The following MYO5A variants were observed in gnomAD, a reference collection of about 807,000 sequenced individuals.
MYO5A encodes the protein unconventional myosin-Va.
In MYO5A, 98 loss-of-function variants were observed where a neutral mutation model predicts 249.7. That is an observed-to-expected ratio of 0.39 (90% CI 0.33 to 0.46). MYO5A has a LOEUF of 0.46. MYO5A is among the 20% of genes least tolerant of loss of function. The pLI is 0.98. For missense variants in MYO5A, 1,696 were observed against 2,308.8 expected (o/e 0.73, Z 5.44); for synonymous variants, 778 against 810.6 (o/e 0.96, Z 0.68).
chr15:52,445,045 A>C (rs2075859929), intron 1 of MYO5A, among the ~76,000 whole-genome samples: 2 of 137,692 alleles, frequency 1.5e-5, no homozygotes, highest in African/African-American at 5.1e-5. Flanking sequence ...TTGGGAATCG[A>C]CACTTCTAGG....
intron 1 of MYO5A, among the ~76,000 whole-genome samples, chr15:52,491,454 T>C (rs530849163): frequency 1.3e-5 from 2 of 152,334 alleles, no homozygotes; most frequent in African/African-American, 4.8e-5. Context: ...ACCTACATCA[T>C]AATATCTAGT....
Position 52,372,199 on chromosome 15 carries a change from T to C in MYO5A, c.2742A>G (p.Ser914=), listed in dbSNP as rs2041160524. The change falls in exon 21 of 42, where the codon TCA becomes TCG. Residue 914 remains serine (S), a synonymous_variant. Coordinates refer to ENST00000399233, the MANE Select transcript of MYO5A (RefSeq NM_001382347.1). ...TGTGCAGCTTCTTATAGCGCTCCAC[T>C]GAGCGAGCCTCGATTTTGAGCTTCT... ...ELKKLKIEAR[S]VERYKKLHIG... is the part of the protein sequence containing the mutation. 12 of 1,613,624 alleles carry C rather than the reference T, an allele frequency of 7.4e-6. No homozygotes were observed. The highest frequency in any genetic ancestry group is 9.3e-6 in the Non-Finnish European group (11 of 1,180,018).
At chr15:52,426,497 C>A (rs1456752540) in intron 3 of MYO5A, among the ~76,000 whole-genome samples, 1 of 152,162 alleles carries the variant, frequency 6.6e-6, no homozygotes, top group East Asian at 1.9e-4. Context: ...GGGTCTCACC[C>A]TGTCACCCAA....
intron 21 of MYO5A, among the ~76,000 whole-genome samples, chr15:52,370,970 A>G (rs1260288071): frequency 6.6e-6 from 1 of 152,004 alleles, no homozygotes; most frequent in Non-Finnish European, 1.5e-5. Flanking sequence ...AAAATTAGCT[A>G]GACATGGTGG....
intron 40 of MYO5A, 76 bp from the exon 41 acceptor site, chr15:52,314,279 A>G: frequency 9.1e-7 from 1 of 1,103,158 alleles, no homozygotes; most frequent in Non-Finnish European, 1.4e-6. Flanking sequence ...TGGAAAATTA[A>G]AAGGATCTGT....
intron 23 of MYO5A, among the ~76,000 whole-genome samples, chr15:52,365,096 A>G (rs1159025270): frequency 6.6e-6 from 1 of 152,192 alleles, no homozygotes; most frequent in Non-Finnish European, 1.5e-5. Flanking sequence ...CTCCTCACAG[A>G]TATTTCTCAA....
At chr15:52,418,977 T>C (rs918539010) in intron 4 of MYO5A, among the ~76,000 whole-genome samples, 1 of 152,216 alleles carries the variant, frequency 6.6e-6, no homozygotes, top group African/African-American at 2.4e-5. Context: ...ATTCATATCT[T>C]CCAAGATCAT....
At chr15:52,508,123 C>T (rs1422676459) in intron 1 of MYO5A, among the ~76,000 whole-genome samples, 2 of 152,106 alleles carry the variant, frequency 1.3e-5, no homozygotes, top group Non-Finnish European at 2.9e-5. Flanking sequence ...TATTTGTTCT[C>T]CTTGGTGTTT....
chr15:52,491,584 C>A (rs1465881206), intron 1 of MYO5A, among the ~76,000 whole-genome samples: 2 of 152,166 alleles, frequency 1.3e-5, no homozygotes, highest in Admixed American at 1.3e-4. Flanking sequence ...TTATTGGATT[C>A]TCTAAAGTAA....
At chr15:52,501,022 T>G (rs1595801305) in intron 1 of MYO5A, among the ~76,000 whole-genome samples, 1 of 151,772 alleles carries the variant, frequency 6.6e-6, no homozygotes, top group Non-Finnish European at 1.5e-5. Context: ...CAGGCTGGAG[T>G]GCAGTGGCAA....
rs117728736 is a variant in MYO5A, at chr15:52,369,189, C to T, written c.3066+980G>A. Among the ~76,000 whole-genome samples the T allele has an allele frequency of 1.5e-3, 227 of 152,272 alleles. 3 individuals are homozygous for T. The East Asian group carries it at 0.031, about 21-fold the overall frequency. On this transcript the variant is annotated intron_variant, in intron 22 of 41. Transcript: ENST00000399233. ...CTGCAATTTTACCAGCCACCCTATC[C>T]TAACCGACCTGCATCTAAGTTCCTG...
At chr15:52,439,197 T>C (rs949141990) in intron 1 of MYO5A, among the ~76,000 whole-genome samples, 3 of 152,286 alleles carry the variant, frequency 2.0e-5, no homozygotes, top group Non-Finnish European at 4.4e-5. Flanking sequence ...ATCTTGGAAG[T>C]GGCCCGCCGC....
intron 1 of MYO5A, among the ~76,000 whole-genome samples, chr15:52,437,503 G>A (rs575873383): frequency 1.1e-3 from 173 of 151,408 alleles, no homozygotes; most frequent in African/African-American, 4.1e-3. Context: ...GCTGAGGTGG[G>A]AGGATTACTT....
At chr15:52,393,457 A>C (rs1164431522) in intron 11 of MYO5A, among the ~76,000 whole-genome samples, 1 of 151,062 alleles carries the variant, frequency 6.6e-6, no homozygotes, top group Non-Finnish European at 1.5e-5. Flanking sequence ...GCAGTGGCAC[A>C]GTCTGGGCTC....
At chr15:52,314,666 T>C (rs1437901591) in intron 40 of MYO5A, among the ~76,000 whole-genome samples, 1 of 152,124 alleles carries the variant, frequency 6.6e-6, no homozygotes, top group Admixed American at 6.5e-5. Context: ...AATTATCTCT[T>C]TTGAATGTTT....
At chr15:52,328,111 A>G in intron 35 of MYO5A, 105 bp from the exon 36 acceptor site, 1 of 889,342 alleles carries the variant, frequency 1.1e-6, no homozygotes. Flanking sequence ...CAATCATTCA[A>G]GGTAAGTAGG....
chr15:52,505,414 T>C, intron 1 of MYO5A: 1 of 816,346 alleles, frequency 1.2e-6, no homozygotes. Context: ...GAAGAAAGCT[T>C]TGGGCAAGTA....
At chr15:52,380,185 C>A (rs1266311809) in intron 16 of MYO5A, among the ~76,000 whole-genome samples, 1 of 152,190 alleles carries the variant, frequency 6.6e-6, no homozygotes, top group Non-Finnish European at 1.5e-5. Context: ...CCTATAATCC[C>A]AGAATTTTGG....
At chr15:52,482,947 G>A (rs1023429689) in intron 1 of MYO5A, among the ~76,000 whole-genome samples, 8 of 152,136 alleles carry the variant, frequency 5.3e-5, no homozygotes, top group African/African-American at 1.9e-4. Context: ...CTCAGGTGAA[G>A]GATGAGCAGG....
Sources: gnomAD v4.1 joint callset for allele counts (sites outside exome capture counted in the v4.1 genomes callset) on GRCh38, gnomAD v4.1.1 for gene constraint, MANE v1.5 for transcripts, NCBI Gene and HGNC (gene_info 2026-07-23, HGNC 2026-07-21) for gene names.